Variants in OTUD7B observed in about 807,000 individuals in gnomAD.
OTUD7B encodes the protein OTU domain-containing protein 7B.
A neutral mutation model predicts 82.2 loss-of-function variants in OTUD7B; 34 were observed. That is an observed-to-expected ratio of 0.41 (90% CI 0.31 to 0.55). The LOEUF (loss-of-function observed/expected upper bound fraction) is 0.55, where lower values mean the gene tolerates loss of function less well. OTUD7B is among the 20% of genes least tolerant of loss of function. The probability of loss-of-function intolerance (pLI) is 0.20; values close to 1 mark genes in which losing one functional copy is unlikely to be tolerated. For synonymous variants in OTUD7B, 398 were observed against 402.7 expected (o/e 0.99, Z 0.14); for missense variants, 944 against 1,062.1 (o/e 0.89, Z 1.55).
chr1:149,966,865 C>A (rs1649545822), intron 4 of OTUD7B, among the ~76,000 whole-genome samples: 2 of 152,152 alleles, frequency 1.3e-5, no homozygotes, highest in African/African-American at 2.4e-5. Flanking sequence ...TTCCCAGCTG[C>A]CTCACCCTAT....
In OTUD7B at chr1:149,944,160, C is replaced by T; in HGVS notation, c.2229G>A (p.Gln743=). The change falls in exon 12 of 12, where the codon CAG becomes CAA. Residue 743 remains glutamine (Q), a synonymous_variant. Coordinates refer to ENST00000581312, the MANE Select transcript of OTUD7B (RefSeq NM_020205.4). The stretch of plus-strand genomic sequence containing the variant: ...CTGGCTCCAGAGAAGGGATGCTGTC[C>T]TGGTGGGGGTAGGGTCGCCCAGGAG... ...QCPPGRPYPH[Q]DSIPSLEPGS... 6.2e-7 allele frequency: 1 copy of T among 1,614,008 alleles called. No individual in the cohort carries two copies. The highest frequency in any genetic ancestry group is 8.5e-7 in the Non-Finnish European group (1 of 1,179,932).
chr1:149,992,471 T>TG (rs1651644920), intron 1 of OTUD7B, among the ~76,000 whole-genome samples: 2 of 1,582 alleles, frequency 1.3e-3, no homozygotes, highest in African/African-American at 1.4e-3. Context: ...GCATGTGTTT[T>TG]TTTTTTTTTT....
rs1647292889 is a variant in OTUD7B at position 149,942,022 on chromosome 1, G to T, written c.*1835C>A. 1 of 152,366 alleles carries T rather than the reference G, an allele frequency of 6.6e-6. No homozygotes were observed. Among genetic ancestry groups the T allele is most frequent in the African/African-American group, 2.4e-5 (1 of 41,440 alleles). 9.4% of individuals were successfully genotyped at this position (152,366 alleles called of 1,614,324 possible). ...ATAGGTGACTTCTGAGTTTGTTGAG[G>T]AGAAAATAACCTTTATAAACCGTGA... On this transcript the variant is annotated 3_prime_UTR_variant, in exon 12 of 12. Coordinates refer to ENST00000581312, the MANE Select transcript of OTUD7B (RefSeq NM_020205.4).
chr1:150,061,292 T>C, the OTUD7B span, among the ~76,000 whole-genome samples: 3,076 of 152,354 alleles, frequency 0.02, 103 homozygotes, highest in African/African-American at 0.067. Context: ...AATATCATAC[T>C]CTACAAGGAC....
the OTUD7B span, among the ~76,000 whole-genome samples, chr1:150,020,469 G>A: frequency 6.6e-6 from 1 of 152,044 alleles, no homozygotes; most frequent in Non-Finnish European, 1.5e-5. Context: ...CTAGGGAGGT[G>A]GAGGTTGCAG....
chr1:149,938,561 C>G lies in OTUD7B; in HGVS notation c.*5296G>C, dbSNP rs2092741556. 6.7e-6 allele frequency: 1 copy of G among 148,498 alleles called. No homozygotes were observed. Among genetic ancestry groups the G allele is most frequent in the South Asian group, 2.1e-4 (1 of 4,698 alleles). 9.2% of individuals were successfully genotyped at this position (148,498 alleles called of 1,614,324 possible). A position where few individuals can be genotyped will look rare whatever the true frequency, so the allele number is the denominator to read the frequency against. Reference sequence around the variant, plus strand: ...CTCACCACCATCCTTCATTCAAGAGCCTCATTCTATTCTTTAGCACTTTGA... The same window carrying G: ...CTCACCACCATCCTTCATTCAAGAGGCTCATTCTATTCTTTAGCACTTTGA... On this transcript the variant is annotated 3_prime_UTR_variant, in exon 12 of 12. Coordinates refer to ENST00000581312, the MANE Select transcript of OTUD7B (RefSeq NM_020205.4).
chr1:150,061,830 A>G, the OTUD7B span, among the ~76,000 whole-genome samples: 1 of 152,186 alleles, frequency 6.6e-6, no homozygotes, highest in Non-Finnish European at 1.5e-5. Context: ...ACTTCTATTC[A>G]CTGTAAGTTT....
chr1:149,967,323 T>C lies in OTUD7B; in HGVS notation c.473A>G (p.Gln158Arg). 1 of 1,614,032 alleles carries C rather than the reference T, an allele frequency of 6.2e-7. No homozygotes were observed. The highest frequency in any genetic ancestry group is 1.1e-5 in the South Asian group (1 of 91,052). ...RSFIERDLIE[Q>R]SMLVALEQAG... Reference sequence around the variant, plus strand: ...CTGTTCCAAGGCAACCAGCATGGACTGCTCAATGAGGTCTCTCTCTATGAA... The same window carrying C: ...CTGTTCCAAGGCAACCAGCATGGACCGCTCAATGAGGTCTCTCTCTATGAA... Residue 158 changes from glutamine (Q) to arginine (R), a missense_variant, in exon 4 of 12, where the codon CAG becomes CGG. Transcript: ENST00000581312.
intron 1 of OTUD7B, among the ~76,000 whole-genome samples, chr1:150,009,681 G>A (rs1397164289): frequency 1.3e-5 from 2 of 152,056 alleles, no homozygotes; most frequent in African/African-American, 4.8e-5. Context: ...AGACTACCAC[G>A]AGCGGGGAGA....
intron 1 of OTUD7B, among the ~76,000 whole-genome samples, chr1:149,989,566 AAAAC>A (rs1651417962): frequency 6.6e-6 from 1 of 151,196 alleles, no homozygotes; most frequent in African/African-American, 2.4e-5. Context: ...TACAAAAAAC[AAAAC>A]AAACAAAAAA....
chr1:149,939,537 G>GAA lies in OTUD7B; in HGVS notation c.*4318_*4319dup. On this transcript the variant is annotated 3_prime_UTR_variant, in exon 12 of 12. Coordinates refer to ENST00000581312, the MANE Select transcript of OTUD7B (RefSeq NM_020205.4). ...GGCCTGGAGGGAAAGAAGGAAATTA[G>GAA]AAAAATCTGGAGTGCAGGTGATTCC... The GAA allele has an allele frequency of 6.6e-6, 1 of 152,190 alleles. No individual in the cohort carries two copies. The highest frequency in any genetic ancestry group is 1.9e-4 in the East Asian group (1 of 5,198). 9.4% of individuals were successfully genotyped at this position (152,190 alleles called of 1,614,324 possible).
At chr1:149,949,912 T>C in intron 8 of OTUD7B, 134 bp from the exon 9 acceptor site, 2 of 1,271,922 alleles carry the variant, frequency 1.6e-6, no homozygotes, top group Admixed American at 2.4e-5. Flanking sequence ...TAAGAAGCCC[T>C]GTCAACTAAT....
chr1:149,959,831 T>G, intron 6 of OTUD7B, 35 bp from the exon 7 acceptor site: 1 of 1,419,386 alleles, frequency 7.0e-7, no homozygotes, highest in South Asian at 1.1e-5. Flanking sequence ...ATTGGGCAAT[T>G]AGAGGCTGGG....
intron 1 of OTUD7B, among the ~76,000 whole-genome samples, chr1:149,993,064 T>G (rs925892774): frequency 2.6e-5 from 4 of 152,114 alleles, no homozygotes; most frequent in Non-Finnish European, 5.9e-5. Flanking sequence ...GGCAGGAGCA[T>G]CGCTTGAACT....
chr1:150,007,507 A>C (rs1553786427), intron 1 of OTUD7B, among the ~76,000 whole-genome samples: 1 of 152,196 alleles, frequency 6.6e-6, no homozygotes, highest in African/African-American at 2.4e-5. Flanking sequence ...TAAATGTTAA[A>C]GCTCATAATA....
At position 149,948,954 on chromosome 1, in the gene OTUD7B, C is replaced by A; in HGVS notation, c.1238+15G>T. 1 of 1,504,902 alleles carries A rather than the reference C, an allele frequency of 6.6e-7. No individual in the cohort carries two copies. The highest frequency in any genetic ancestry group is 1.1e-5 in the South Asian group (1 of 88,846). 93.2% of individuals were successfully genotyped at this position (1,504,902 alleles called of 1,614,324 possible). A position where few individuals can be genotyped will look rare whatever the true frequency, so the allele number is the denominator to read the frequency against. ...TCCCAGCACAAAATAGATGAAAAGA[C>A]TAGGCCTGGCTTACCTGGCCAATCG... On this transcript the variant is annotated intron_variant, in intron 10 of 11. Transcript: ENST00000581312.
the OTUD7B span, among the ~76,000 whole-genome samples, chr1:150,024,579 A>G: frequency 6.6e-6 from 1 of 152,262 alleles, no homozygotes; most frequent in African/African-American, 2.4e-5. Flanking sequence ...AACAAGAATT[A>G]TAAATATATA....
chr1:149,946,823 C>T (rs976141702), intron 11 of OTUD7B, among the ~76,000 whole-genome samples: 1 of 143,410 alleles, frequency 7.0e-6, no homozygotes, highest in South Asian at 2.2e-4. Flanking sequence ...GAGGCTGAGG[C>T]GGGCAGATCA....
rs1647432592 is a variant in OTUD7B at position 149,943,705 on chromosome 1, G to C, written c.*152C>G. ...CCGACCTGCTCTTGCCAGCCTGGCA[G>C]CACTCCTGTGTGCACACACTTAAAA... is the stretch of plus-strand genomic sequence containing the variant. On this transcript the variant is annotated 3_prime_UTR_variant, in exon 12 of 12. Coordinates refer to ENST00000581312, the MANE Select transcript of OTUD7B (RefSeq NM_020205.4). The C allele has an allele frequency of 2.5e-6, 2 of 791,496 alleles. No individual in the cohort carries two copies. Among genetic ancestry groups the C allele is most frequent in the Admixed American group, 5.0e-5 (2 of 40,154 alleles). 49.0% of individuals were successfully genotyped at this position (791,496 alleles called of 1,614,324 possible).
Sources: gnomAD v4.1 joint callset for allele counts (sites outside exome capture counted in the v4.1 genomes callset) on GRCh38, gnomAD v4.1.1 for gene constraint, MANE v1.5 for transcripts, NCBI Gene and HGNC (gene_info 2026-07-23, HGNC 2026-07-21) for gene names.